GABBR2: variants seen among roughly 807,000 people sequenced by gnomAD.
The protein encoded by GABBR2 is gamma-aminobutyric acid type B receptor subunit 2, also known as G-protein coupled receptor 51.
Under a neutral mutation model 105.6 loss-of-function variants are expected in GABBR2, and 23 were observed. The ratio of observed to expected loss-of-function variants is 0.22; its 90% CI spans 0.16 to 0.31. The LOEUF (loss-of-function observed/expected upper bound fraction) is 0.31. GABBR2 is among the 10% of genes least tolerant of loss of function. The pLI, the probability that GABBR2 is intolerant of heterozygous loss-of-function variation, is 1.00. For synonymous variants in GABBR2, 478 were observed against 499.7 expected, an observed-to-expected ratio of 0.96 and a Z score of 0.58; for missense variants, 734 against 1,245.5, an observed-to-expected ratio of 0.59 and a Z score of 6.18.
At chr9:98,309,940 G>A (rs144234137) in intron 14 of GABBR2, among the ~76,000 whole-genome samples, 102 of 152,346 alleles carry the variant, frequency 6.7e-4, no homozygotes, top group Non-Finnish European at 1.2e-3. Context: ...CAGTGATGCA[G>A]CAGCAGGTAA....
chr9:98,623,315 A>G (rs1829693275), intron 1 of GABBR2, among the ~76,000 whole-genome samples: 1 of 152,110 alleles, frequency 6.6e-6, no homozygotes, highest in Non-Finnish European at 1.5e-5. Context: ...ATCAATCCCA[A>G]CTACTTGGGA....
intron 7 of GABBR2, among the ~76,000 whole-genome samples, chr9:98,421,959 CAA>C (rs1236168884): frequency 1.3e-5 from 2 of 152,084 alleles, no homozygotes; most frequent in Non-Finnish European, 2.9e-5. Context: ...ACCGTTAGCC[CAA>C]AAACTGATTA....
chr9:98,656,384 C>T (rs1830183402), intron 1 of GABBR2, among the ~76,000 whole-genome samples: 1 of 151,976 alleles, frequency 6.6e-6, no homozygotes, highest in African/African-American at 2.4e-5. Context: ...TCTGACAGGC[C>T]TCACATCTGA....
chr9:98,355,910 AAC>A (rs1475520695), intron 13 of GABBR2, among the ~76,000 whole-genome samples: 3 of 152,246 alleles, frequency 2.0e-5, no homozygotes, highest in East Asian at 1.9e-4. Flanking sequence ...CACCCACACA[AAC>A]ACAGTCAACT....
intron 12 of GABBR2, among the ~76,000 whole-genome samples, chr9:98,370,639 C>T (rs583641): frequency 2.0e-5 from 3 of 152,010 alleles, no homozygotes; most frequent in African/African-American, 7.2e-5. Context: ...ATGCTGTTTG[C>T]AGTTTTGAAT....
chr9:98,593,765 A>AG (rs1323090088), intron 1 of GABBR2, among the ~76,000 whole-genome samples: 1 of 152,106 alleles, frequency 6.6e-6, no homozygotes, highest in Non-Finnish European at 1.5e-5. Context: ...TCACAGATGA[A>AG]GGGGGGCTGT....
At chr9:98,618,514 CTCTCTCTG>C (rs1211213021) in intron 1 of GABBR2, among the ~76,000 whole-genome samples, 4 of 144,380 alleles carry the variant, frequency 2.8e-5, no homozygotes, top group Admixed American at 1.5e-4. Flanking sequence ...CTCTCTCTCT[CTCTCTCTG>C]TCTCTCTGAC....
At chr9:98,501,188 A>T (rs780414489) in intron 3 of GABBR2, among the ~76,000 whole-genome samples, 11 of 134,554 alleles carry the variant, frequency 8.2e-5, no homozygotes, top group Non-Finnish European at 1.5e-4. Context: ...TTTTTGAGAC[A>T]AAGTCTCACT....
At chr9:98,583,317 G>A (rs1829028563) in intron 1 of GABBR2, among the ~76,000 whole-genome samples, 1 of 152,202 alleles carries the variant, frequency 6.6e-6, no homozygotes, top group South Asian at 2.1e-4. Context: ...GCTCACCAAA[G>A]GTGAATTTTG....
intron 13 of GABBR2, among the ~76,000 whole-genome samples, chr9:98,315,839 T>C (rs1328770222): frequency 3.9e-5 from 6 of 152,256 alleles, no homozygotes; most frequent in Non-Finnish European, 7.3e-5. Flanking sequence ...CAGCAGCATC[T>C]TGTGCTACTC....
intron 3 of GABBR2, among the ~76,000 whole-genome samples, chr9:98,525,738 A>G (rs1055869253): frequency 1.3e-5 from 2 of 152,256 alleles, no homozygotes; most frequent in East Asian, 3.8e-4. Context: ...ACCATTATTC[A>G]TAATAGTCAA....
intron 1 of GABBR2, among the ~76,000 whole-genome samples, chr9:98,588,440 A>G (rs1829104765): frequency 6.6e-6 from 1 of 152,254 alleles, no homozygotes; most frequent in African/African-American, 2.4e-5. Flanking sequence ...TAGTAATAAT[A>G]ATAACACAGT....
At chr9:98,497,699 A>G (rs1827311559) in intron 3 of GABBR2, among the ~76,000 whole-genome samples, 1 of 152,232 alleles carries the variant, frequency 6.6e-6, no homozygotes, top group Non-Finnish European at 1.5e-5. Context: ...GTTCACACCC[A>G]TTAGCATGGC....
intron 7 of GABBR2, among the ~76,000 whole-genome samples, chr9:98,422,820 T>C (rs913554179): frequency 1.3e-5 from 2 of 148,258 alleles, no homozygotes; most frequent in African/African-American, 5.0e-5. Flanking sequence ...GTCCATGTGT[T>C]CTCACTGTTC....
intron 13 of GABBR2, among the ~76,000 whole-genome samples, chr9:98,340,961 C>G (rs1831202213): frequency 6.6e-6 from 1 of 152,230 alleles, no homozygotes. Context: ...GTTCATGACA[C>G]TTGAGAATTT....
At chr9:98,636,243 T>C (rs766232620) in intron 1 of GABBR2, among the ~76,000 whole-genome samples, 5 of 152,024 alleles carry the variant, frequency 3.3e-5, no homozygotes, top group Non-Finnish European at 7.4e-5. Context: ...GGCCAAGAAT[T>C]TTCAAAAAAT....
chr9:98,316,506 A>ATCAT (rs955500685), intron 13 of GABBR2, among the ~76,000 whole-genome samples: 19 of 152,304 alleles, frequency 1.2e-4, no homozygotes, highest in Admixed American at 6.5e-4. Flanking sequence ...TGCCTAAGAA[A>ATCAT]TCATTCATTC....
intron 2 of GABBR2, 138 bp from the exon 3 acceptor site, chr9:98,542,181 T>C: frequency 4.4e-6 from 3 of 678,976 alleles, no homozygotes; most frequent in Non-Finnish European, 7.2e-6. Context: ...TAAAACTTTT[T>C]TATTGTAAGA....
At chr9:98,381,132 C>CA (rs542003103) in intron 11 of GABBR2, among the ~76,000 whole-genome samples, 15 of 152,340 alleles carry the variant, frequency 9.8e-5, no homozygotes, top group East Asian at 1.9e-4. Flanking sequence ...TACATCCCTC[C>CA]ATGCAGCACT....
Sources: gnomAD v4.1 joint callset for allele counts (sites outside exome capture counted in the v4.1 genomes callset) on GRCh38, gnomAD v4.1.1 for gene constraint, MANE v1.5 for transcripts, NCBI Gene and HGNC (gene_info 2026-07-23, HGNC 2026-07-21) for gene names.